Variants in CHI3L1 observed in about 807,000 individuals in gnomAD.
The protein encoded by CHI3L1 is chitinase-3-like protein 1.
In CHI3L1, 30 loss-of-function variants were observed where a neutral mutation model predicts 40.7. That is an observed-to-expected ratio of 0.74 (90% CI 0.55 to 1.00). The LOEUF (loss-of-function observed/expected upper bound fraction) is 1.00. CHI3L1 is among the 50% of genes least tolerant of loss of function. The probability of loss-of-function intolerance (pLI) is 0.00; values close to 1 mark genes in which losing one functional copy is unlikely to be tolerated. For synonymous variants in CHI3L1, 210 were observed against 192.1 expected (o/e 1.09, Z -0.77); for missense variants, 493 against 492.2 (o/e 1.00, Z -0.01).
rs763849159 is a variant in CHI3L1, at chr1:203,185,339, G to A, written c.102C>T (p.Tyr34=). 5 of 1,614,206 alleles carry A rather than the reference G, an allele frequency of 3.1e-6. No homozygotes were observed. The Admixed American group carries it at 6.7e-5, about 22-fold the overall frequency. The change falls in exon 3 of 10, where the codon TAC becomes TAT. Residue 34 remains tyrosine, a synonymous_variant. Transcript: ENST00000255409. ...LVCYYTSWSQ[Y]REGDGSCFPD... ...GGAAGCAGCTCCCATCGCCTTCCCGGTACTGGGACCAGCTGGTGTAGTAGC... is the reference window on the plus strand; with the variant it reads ...GGAAGCAGCTCCCATCGCCTTCCCGATACTGGGACCAGCTGGTGTAGTAGC...
At chr1:203,181,363 C>T in intron 6 of CHI3L1, 78 bp from the exon 7 acceptor site, 9 of 1,520,476 alleles carry the variant, frequency 5.9e-6, no homozygotes, top group Non-Finnish European at 8.0e-6. Context: ...TGGCTCATAC[C>T]TGGAATCCCA....
intron 2 of CHI3L1, 76 bp downstream of exon 2, chr1:203,186,240 T>A: frequency 6.7e-7 from 1 of 1,486,244 alleles, no homozygotes; most frequent in Non-Finnish European, 9.2e-7. Context: ...CCCTTGGAGC[T>A]AAGACCTCCT....
chr1:203,181,124 C>T lies in CHI3L1; in HGVS notation c.711+38G>A, dbSNP rs781191148. On this transcript the variant is annotated intron_variant, in intron 7 of 9. Transcript: ENST00000255409. ...GAGCACTGGCAGATGGCAGGTCTTG[C>T]GGCCCCCTCCTGGCCCTCCCTCCTT... 17 of 1,608,144 alleles carry T rather than the reference C, an allele frequency of 1.1e-5. 1 individual carries two copies. In the Middle Eastern group the frequency reaches 5.0e-4, roughly 47 times the overall value.
chr1:203,183,662 C>A lies in CHI3L1; in HGVS notation c.444G>T (p.Gln148His), dbSNP rs1655993337. 2 of 1,614,032 alleles carry A rather than the reference C, an allele frequency of 1.2e-6. No individual in the cohort carries two copies. Among genetic ancestry groups the A allele is most frequent in the African/African-American group, 2.7e-5 (2 of 74,914 alleles). ...AWLYPGRRDK[Q>H]HFTTLIKEMK... ...GCACCTTGATTAGGGTGGTAAAATG[C>A]TGTTTGTCTCTCCGTCCAGGGTAGA... is the stretch of plus-strand genomic sequence containing the variant. Residue 148 changes from glutamine to histidine, a missense_variant, in exon 5 of 10, where the codon CAG becomes CAT. Gln to His is a conservative substitution (Grantham distance 24). Transcript: ENST00000255409.
chr1:203,182,737 A>AT lies in CHI3L1; in HGVS notation c.580dup (p.Ile194AsnfsTer9), dbSNP rs767537441. 14 of 1,613,914 alleles carry AT rather than the reference A, an allele frequency of 8.7e-6. No homozygotes were observed. The African/African-American group carries it at 1.5e-4, about 17-fold the overall frequency. On this transcript the variant is annotated frameshift_variant, in exon 6 of 10. Transcript: ENST00000255409. LOFTEE classifies it high-confidence loss of function. ...CCTGGGGCAGGAGACTCACTGGGAT[A>AT]TCTTGGCAATGTCATAGCTGCTGTC... is the stretch of plus-strand genomic sequence containing the variant.
intron 5 of CHI3L1, among the ~76,000 whole-genome samples, 153 bp from the exon 6 acceptor site, chr1:203,183,005 C>T (rs1390846862): frequency 6.6e-6 from 1 of 152,130 alleles, no homozygotes; most frequent in Non-Finnish European, 1.5e-5. Context: ...CATCAGTGGT[C>T]CCATCCTCAA....
intron 5 of CHI3L1, 45 bp downstream of exon 5, chr1:203,183,596 C>T: frequency 6.2e-7 from 1 of 1,608,836 alleles, no homozygotes; most frequent in Non-Finnish European, 8.5e-7. Context: ...ACCCCATTCC[C>T]TCATGCCTGC....
chr1:203,180,324 C>T, intron 8 of CHI3L1, 146 bp downstream of exon 8: 1 of 737,260 alleles, frequency 1.4e-6, no homozygotes, highest in Middle Eastern at 2.7e-4. Flanking sequence ...GTCCTAACCT[C>T]TCCCTTCCAC....
rs146151706 is a variant in CHI3L1 at position 203,179,553 on chromosome 1, G to A, written c.1044C>T (p.Gly348=). The A allele has an allele frequency of 5.2e-5, 84 of 1,608,192 alleles. No homozygotes were observed. The highest frequency in any genetic ancestry group is 6.7e-5 in the Non-Finnish European group (79 of 1,175,372). Residue 348 remains glycine, a synonymous_variant, in exon 10 of 10, where the codon GGC becomes GGT. Coordinates refer to ENST00000255409, the MANE Select transcript of CHI3L1 (RefSeq NM_001276.4). ...VQYLKDRQLA[G]AMVWALDLDD... ...CCAGGTCCAGGGCCCATACCATGGC[G>A]CCCGCCAGCTGCCTGTCCTTCAGGT...
At chr1:203,183,909 G>C in intron 4 of CHI3L1, 118 bp from the exon 5 acceptor site, 1 of 1,131,654 alleles carries the variant, frequency 8.8e-7, no homozygotes, top group South Asian at 1.3e-5. Flanking sequence ...AGCTCTGGGA[G>C]GGCATGATTG....
chr1:203,179,407 G>C lies in CHI3L1; in HGVS notation c.*38C>G, dbSNP rs771065423. 1 of 1,502,526 alleles carries C rather than the reference G, an allele frequency of 6.7e-7. No homozygotes were observed. The highest frequency in any genetic ancestry group is 8.9e-7 in the Non-Finnish European group (1 of 1,121,786). The allele number at this position is 1,502,526 out of a possible 1,614,324, so 93.1% of individuals were successfully genotyped here. A position where few individuals can be genotyped will look rare whatever the true frequency, so the allele number is the denominator to read the frequency against. ...GCCAGCTGGAGCCAGAGGGGGACGG[G>C]GCATCCTTGGCCCCCGTGCTGTGTG... On this transcript the variant is annotated 3_prime_UTR_variant, in exon 10 of 10. Transcript: ENST00000255409.
rs1428696250 is a variant in CHI3L1 at position 203,183,524 on chromosome 1, G to A, written c.465+117C>T. 1.8e-5 allele frequency: 19 copies of A among 1,078,580 alleles called. No individual in the cohort carries two copies. The South Asian group carries it at 2.6e-4, about 15-fold the overall frequency. 66.8% of individuals were successfully genotyped at this position (1,078,580 alleles called of 1,614,324 possible). A position where few individuals can be genotyped will look rare whatever the true frequency, so the allele number is the denominator to read the frequency against. On this transcript the variant is annotated intron_variant, in intron 5 of 9. Transcript: ENST00000255409. ...GCACAGGGTCCCAGGACACTGCCCT[G>A]AGGCTGAAGTCCCTCTTTACCTGTC...
rs201303588 is a variant in CHI3L1, at chr1:203,185,179, C to T, written c.257+5G>A. On this transcript the variant is annotated splice_donor_5th_base_variant and intron_variant, in intron 3 of 9. Transcript: ENST00000255409. ...CCCTCCTCTCCTGGCCAGCCCTGGC[C>T]CAACCTGTTCTTGAGTGTGTTGAGC... 8.6e-4 allele frequency: 1,395 copies of T among 1,613,606 alleles called. 3 individuals are homozygous for T. The Middle Eastern group carries it at 0.013, about 15-fold the overall frequency.
At chr1:203,184,513 C>A in intron 4 of CHI3L1, 63 bp downstream of exon 4, 2 of 1,384,848 alleles carry the variant, frequency 1.4e-6, no homozygotes, top group Non-Finnish European at 2.1e-6. Context: ...ATGCGGGAGA[C>A]CCAAGCTCCT....
Position 203,186,691 on chromosome 1 carries a change from C to T in CHI3L1, c.-68G>A. On this transcript the variant is annotated 5_prime_UTR_variant, in exon 1 of 10. Coordinates refer to ENST00000255409, the MANE Select transcript of CHI3L1 (RefSeq NM_001276.4). ...GCCCACGGCTCCTGGTGCCAGCTAC[C>T]TAGACAGGGCCTCTTCCCCAGGCCC... is the stretch of plus-strand genomic sequence containing the variant. 1 of 1,582,414 alleles carries T rather than the reference C, an allele frequency of 6.3e-7. No homozygotes were observed. Among genetic ancestry groups the T allele is most frequent in the Non-Finnish European group, 8.7e-7 (1 of 1,151,990 alleles).
intron 2 of CHI3L1, among the ~76,000 whole-genome samples, chr1:203,185,979 C>T (rs553070770): frequency 6.6e-6 from 1 of 152,278 alleles, no homozygotes; most frequent in South Asian, 2.1e-4. Context: ...GCCTCTAATT[C>T]TGTTTCTCCT....
Position 203,179,435 on chromosome 1 carries a change from G to A in CHI3L1, c.*10C>T. 1.3e-6 allele frequency: 2 copies of A among 1,529,626 alleles called. No individual in the cohort carries two copies. The highest frequency in any genetic ancestry group is 1.4e-5 in the African/African-American group (1 of 72,372). 94.8% of individuals were successfully genotyped at this position (1,529,626 alleles called of 1,614,324 possible). A position where few individuals can be genotyped will look rare whatever the true frequency, so the allele number is the denominator to read the frequency against. On this transcript the variant is annotated 3_prime_UTR_variant, in exon 10 of 10. Coordinates refer to ENST00000255409, the MANE Select transcript of CHI3L1 (RefSeq NM_001276.4). ...ATCCTTGGCCCCCGTGCTGTGTGCAGAACAGAGGGCTACGTTGCAGCGAGT... is the reference window on the plus strand; with the variant it reads ...ATCCTTGGCCCCCGTGCTGTGTGCAAAACAGAGGGCTACGTTGCAGCGAGT...
chr1:203,184,984 C>A (rs772765918), intron 3 of CHI3L1, among the ~76,000 whole-genome samples, 200 bp downstream of exon 3: 10 of 152,146 alleles, frequency 6.6e-5, no homozygotes, highest in Non-Finnish European at 1.3e-4. Context: ...GGCTCAGCTG[C>A]GCTTCCGTCT....
intron 7 of CHI3L1, 151 bp from the exon 8 acceptor site, chr1:203,180,803 G>T: frequency 1.6e-6 from 1 of 634,096 alleles, no homozygotes; most frequent in South Asian, 2.3e-5. Context: ...TCACTTTAAA[G>T]TGAATTTTAC....
Sources: gnomAD v4.1 joint callset for allele counts (sites outside exome capture counted in the v4.1 genomes callset) on GRCh38, gnomAD v4.1.1 for gene constraint, MANE v1.5 for transcripts, NCBI Gene and HGNC (gene_info 2026-07-23, HGNC 2026-07-21) for gene names.